PJA2: variants seen among roughly 807,000 people sequenced by gnomAD.
PJA2 encodes the protein E3 ubiquitin-protein ligase Praja-2.
PJA2 carries 25 observed loss-of-function variants against 69.3 expected under a neutral mutation model. That is an observed-to-expected ratio of 0.36 (90% CI 0.26 to 0.50). The LOEUF is 0.50. Ranked by LOEUF, PJA2 falls within the 20% of genes least tolerant of loss-of-function variation. The probability of loss-of-function intolerance (pLI) is 0.96; values close to 1 mark genes in which losing one functional copy is unlikely to be tolerated. For synonymous variants in PJA2, 308 were observed against 277.8 expected (o/e 1.11, Z -1.08); for missense variants, 809 against 830.2 (o/e 0.97, Z 0.31).
rs1373586363 is a variant in PJA2, at chr5:109,378,380, T to C, written c.1107A>G (p.Gly369=). 6.2e-7 allele frequency: 1 copy of C among 1,614,176 alleles called. No individual in the cohort carries two copies. ...GATCCAAGAACATACAGTCATGCTC[T>C]CCATCATATTCTTCACATTTTATTA... is the stretch of plus-strand genomic sequence containing the variant. The part of the protein sequence containing the change: ...DLLIKCEEYD[G]EHDCMFLDPP... Residue 369 remains glycine, a synonymous_variant, in exon 4 of 10, where the codon GGA becomes GGG. Transcript: ENST00000361189.
At chr5:109,366,315 G>A (rs971099617) in intron 5 of PJA2, among the ~76,000 whole-genome samples, 1 of 152,200 alleles carries the variant, frequency 6.6e-6, no homozygotes, top group Admixed American at 6.5e-5. Flanking sequence ...AGCTCTAAGA[G>A]CAAGTCTAAG....
At chr5:109,397,458 G>C (rs1336731216) in intron 1 of PJA2, among the ~76,000 whole-genome samples, 1 of 151,174 alleles carries the variant, frequency 6.6e-6, no homozygotes, top group East Asian at 1.9e-4. Flanking sequence ...GCCAACAAGG[G>C]AAATGAATGA....
At position 109,340,803 on chromosome 5, in the gene PJA2, G is replaced by A. The variant is rs1463171470; in HGVS notation, c.2001+3387C>T. On this transcript the variant is annotated intron_variant, in intron 9 of 9. Coordinates refer to ENST00000361189, the MANE Select transcript of PJA2 (RefSeq NM_014819.5). ...GTGCCTGCGATTGCAGGCTCGCGCC[G>A]CCACACCTGACTGGTTTTGGTGGAG... Among the ~76,000 whole-genome samples the A allele has an allele frequency of 1.1e-4, 11 of 104,724 alleles. 2 individuals carry two copies. Among genetic ancestry groups the A allele is most frequent in the Admixed American group, 1.9e-4 (2 of 10,410 alleles). The allele number at this position is 104,724 out of a possible 152,430, so 68.7% of individuals were successfully genotyped here.
chr5:109,380,378 T>C (rs116633795), intron 3 of PJA2, among the ~76,000 whole-genome samples: 148 of 152,292 alleles, frequency 9.7e-4, no homozygotes, highest in African/African-American at 3.5e-3. Flanking sequence ...TTATGGTACA[T>C]GGATAGCTGC....
At chr5:109,398,803 C>A (rs937046402) in intron 1 of PJA2, among the ~76,000 whole-genome samples, 4 of 151,828 alleles carry the variant, frequency 2.6e-5, no homozygotes, top group Non-Finnish European at 5.9e-5. Flanking sequence ...AAGAAAAAGA[C>A]CTTTACTCCT....
At chr5:109,399,745 C>T (rs1192239233) in intron 1 of PJA2, among the ~76,000 whole-genome samples, 1 of 152,000 alleles carries the variant, frequency 6.6e-6, no homozygotes, top group African/African-American at 2.4e-5. Context: ...AGGAAAAAAC[C>T]CTCTTTATCA....
At chr5:109,371,723 C>T (rs749921415) in intron 4 of PJA2, among the ~76,000 whole-genome samples, 8 of 152,206 alleles carry the variant, frequency 5.3e-5, no homozygotes, top group Non-Finnish European at 7.4e-5. Context: ...TCTAATGCTA[C>T]TGCTTTAGTT....
intron 7 of PJA2, among the ~76,000 whole-genome samples, chr5:109,352,526 G>A (rs1384924818): frequency 6.6e-6 from 1 of 152,010 alleles, no homozygotes; most frequent in Non-Finnish European, 1.5e-5. Flanking sequence ...ATTTGCCAAG[G>A]CAGGTTAAAT....
chr5:109,371,725 G>A (rs1208715931), intron 4 of PJA2, among the ~76,000 whole-genome samples: 1 of 152,084 alleles, frequency 6.6e-6, no homozygotes, highest in African/African-American at 2.4e-5. Context: ...TAATGCTACT[G>A]CTTTAGTTTC....
At chr5:109,346,501 C>A (rs1489407478) in intron 7 of PJA2, among the ~76,000 whole-genome samples, 1 of 152,174 alleles carries the variant, frequency 6.6e-6, no homozygotes, top group Non-Finnish European at 1.5e-5. Flanking sequence ...AAGGTGGAAG[C>A]AAATCAACTG....
At position 109,358,356 on chromosome 5, in the gene PJA2, TTTAG is replaced by T. The variant is rs539415875; in HGVS notation, c.1653-2334_1653-2331del. ...CCCTTCGTTTCCCATAAGGGATACT[TTTAG>T]TTAATCTATGATTTACAGAAACAAT... On this transcript the variant is annotated intron_variant, in intron 6 of 9. Coordinates refer to ENST00000361189, the MANE Select transcript of PJA2 (RefSeq NM_014819.5). 1.2e-4 allele frequency among the ~76,000 whole-genome samples: 19 copies of T among 152,346 alleles called. No homozygotes were observed. The South Asian group carries it at 3.5e-3, about 28-fold the overall frequency.
chr5:109,373,541 G>A (rs958904388), intron 4 of PJA2, among the ~76,000 whole-genome samples: 1 of 152,092 alleles, frequency 6.6e-6, no homozygotes, highest in African/African-American at 2.4e-5. Context: ...GGAAAAAAGG[G>A]AAAAGATTTA....
chr5:109,380,885 G>C (rs968413169), intron 3 of PJA2, among the ~76,000 whole-genome samples: 35 of 151,178 alleles, frequency 2.3e-4, no homozygotes, highest in African/African-American at 8.3e-4. Context: ...AGCCAAGACA[G>C]GTGGATCACT....
intron 1 of PJA2, among the ~76,000 whole-genome samples, chr5:109,402,594 T>G (rs185015190): frequency 1.3e-5 from 2 of 152,240 alleles, no homozygotes; most frequent in Admixed American, 1.3e-4. Flanking sequence ...CTTCAACTCT[T>G]CTCTCAATGA....
intron 4 of PJA2, among the ~76,000 whole-genome samples, chr5:109,377,059 A>G (rs1333673717): frequency 1.3e-5 from 2 of 152,162 alleles, no homozygotes; most frequent in Non-Finnish European, 2.9e-5. Flanking sequence ...TAAAAACAGT[A>G]TATCATACAA....
intron 1 of PJA2, among the ~76,000 whole-genome samples, chr5:109,397,682 A>G (rs557899778): frequency 6.6e-6 from 1 of 151,600 alleles, no homozygotes; most frequent in South Asian, 2.1e-4. Flanking sequence ...CTACGCCCAG[A>G]TATTTTTTGT....
chr5:109,372,841 G>C (rs1582608465), intron 4 of PJA2, among the ~76,000 whole-genome samples: 2 of 141,582 alleles, frequency 1.4e-5, no homozygotes, highest in South Asian at 4.7e-4. Context: ...GGAGGTGGAG[G>C]TTGTGGTGAG....
intron 4 of PJA2, among the ~76,000 whole-genome samples, chr5:109,370,673 C>A (rs1210017234): frequency 9.9e-5 from 15 of 152,044 alleles, no homozygotes; most frequent in African/African-American, 1.4e-4. Context: ...TATTAAAATC[C>A]AACACAGAAA....
intron 1 of PJA2, among the ~76,000 whole-genome samples, chr5:109,404,307 G>C (rs951902839): frequency 6.6e-6 from 1 of 151,666 alleles, no homozygotes; most frequent in African/African-American, 2.4e-5. Flanking sequence ...GATTACCTGA[G>C]GTAAGGAGTT....
Sources: allele counts gnomAD v4.1 joint callset (sites outside exome capture counted in the v4.1 genomes callset), GRCh38; gene constraint gnomAD v4.1.1; transcripts MANE v1.5; gene names NCBI Gene and HGNC (gene_info 2026-07-23, HGNC 2026-07-21).